BCL9: variants seen among roughly 807,000 people sequenced by gnomAD.
BCL9 encodes the protein BCL9 transcription coactivator.
Under a neutral mutation model 88.5 loss-of-function variants are expected in BCL9, and 25 were observed. That is an observed-to-expected ratio of 0.28 (90% CI 0.21 to 0.39). The LOEUF (loss-of-function observed/expected upper bound fraction) is 0.39, where lower values mean the gene tolerates loss of function less well. BCL9 is among the 10% of genes least tolerant of loss of function. The pLI is 1.00. For missense variants in BCL9, 1,817 were observed against 1,877.8 expected, an observed-to-expected ratio of 0.97 and a Z score of 0.60; for synonymous variants, 711 against 673.3, an observed-to-expected ratio of 1.06 and a Z score of -0.87.
At chr1:147,562,886 A>G (rs1553196277) in intron 1 of BCL9, among the ~76,000 whole-genome samples, 1 of 152,194 alleles carries the variant, frequency 6.6e-6, no homozygotes, top group African/African-American at 2.4e-5. Context: ...CAAACCCCTT[A>G]CCATGGCGTG....
Position 147,542,269 on chromosome 1 carries a change from A to T in BCL9, c.-478+595A>T, listed in dbSNP as rs587748347. Among the ~76,000 whole-genome samples, 8 of 152,322 alleles carry T rather than the reference A, an allele frequency of 5.3e-5. No individual in the cohort carries two copies. The East Asian group carries it at 1.5e-3, about 29-fold the overall frequency. Reference sequence around the variant, plus strand: ...ACTCTCCGAGGAGGAGCGGCATGGCAGGCAAGAAGGGAGAGCAAGAGAACT... The same window carrying T: ...ACTCTCCGAGGAGGAGCGGCATGGCTGGCAAGAAGGGAGAGCAAGAGAACT... On this transcript the variant is annotated intron_variant, in intron 1 of 9. Coordinates refer to ENST00000234739, the MANE Select transcript of BCL9 (RefSeq NM_004326.4).
chr1:147,589,640 A>G (rs587726035), intron 1 of BCL9, among the ~76,000 whole-genome samples: 1 of 152,328 alleles, frequency 6.6e-6, no homozygotes, highest in South Asian at 2.1e-4. Context: ...GTTTTGAGGT[A>G]CATCCATGTT....
chr1:147,580,201 G>A (rs1656306011), intron 1 of BCL9, among the ~76,000 whole-genome samples: 1 of 152,198 alleles, frequency 6.6e-6, no homozygotes, highest in Admixed American at 6.5e-5. Flanking sequence ...GATTGTGAAA[G>A]CCTCTCAAAA....
At chr1:147,577,099 C>T (rs1391877482) in intron 1 of BCL9, among the ~76,000 whole-genome samples, 3 of 151,796 alleles carry the variant, frequency 2.0e-5, no homozygotes. Context: ...AGTGATCGAA[C>T]CAAGAAATTA....
chr1:147,560,232 G>A (rs1474681169), intron 1 of BCL9, among the ~76,000 whole-genome samples: 2 of 152,154 alleles, frequency 1.3e-5, no homozygotes, highest in African/African-American at 2.4e-5. Context: ...CTCTCACACT[G>A]AGGGACTGAT....
chr1:147,563,056 C>G (rs1430999277), intron 1 of BCL9, among the ~76,000 whole-genome samples: 1 of 152,022 alleles, frequency 6.6e-6, no homozygotes, highest in African/African-American at 2.4e-5. Context: ...TAACCTCTGC[C>G]CAGAACACTG....
chr1:147,601,835 G>T (rs1553201330), intron 1 of BCL9, among the ~76,000 whole-genome samples: 2 of 152,126 alleles, frequency 1.3e-5, no homozygotes, highest in Non-Finnish European at 2.9e-5. Context: ...AGCAATGAAG[G>T]TTCCATTAGT....
At chr1:147,600,980 G>C (rs959649967) in intron 1 of BCL9, among the ~76,000 whole-genome samples, 13 of 152,132 alleles carry the variant, frequency 8.5e-5, no homozygotes, top group African/African-American at 3.1e-4. Flanking sequence ...TGTTGGGTGA[G>C]CCTGGTGAAA....
At chr1:147,599,230 C>T (rs373561895) in intron 1 of BCL9, among the ~76,000 whole-genome samples, 1 of 152,192 alleles carries the variant, frequency 6.6e-6, no homozygotes, top group Non-Finnish European at 1.5e-5. Flanking sequence ...AGAGCGCAGT[C>T]CTGGGTGGGG....
At chr1:147,562,803 T>A (rs1221390920) in intron 1 of BCL9, among the ~76,000 whole-genome samples, 2 of 152,176 alleles carry the variant, frequency 1.3e-5, no homozygotes, top group Non-Finnish European at 2.9e-5. Flanking sequence ...GTAATCTTTT[T>A]AAAAGGCAAA....
chr1:147,548,810 TA>T (rs1316245308), intron 1 of BCL9, among the ~76,000 whole-genome samples: 2 of 151,992 alleles, frequency 1.3e-5, no homozygotes, highest in Non-Finnish European at 2.9e-5. Context: ...AAAAAAAGTA[TA>T]AATACAAAAA....
rs375997146 is a variant in BCL9, at chr1:147,620,407, G to C, written c.2252G>C (p.Arg751Pro). ...GAGPEEMLKL[R>P]PGGSDMLPAQ... ...GGCCCTGAGGAGATGCTGAAATTAC[G>C]CCCAGGTGGCTCAGACATGCTGCCT... Residue 751 changes from arginine (R) to proline (P), a missense_variant, in exon 8 of 10, where the codon CGC (arginine) becomes CCC (proline). By Grantham distance (103) the Arg-to-Pro change is moderately radical. Around this residue, in one of 2 missense-constraint regions of BCL9, gnomAD observed 1,228 missense variants for 1,191.6 expected, o/e 1.03. Transcript: ENST00000234739. 9.3e-6 allele frequency: 15 copies of C among 1,614,032 alleles called. No individual in the cohort carries two copies. In the East Asian group the frequency reaches 3.3e-4, roughly 36 times the overall value.
chr1:147,621,064 A>G lies in BCL9; in HGVS notation c.2902+7A>G, dbSNP rs1553205333. 2 of 1,607,928 alleles carry G rather than the reference A, an allele frequency of 1.2e-6. No individual in the cohort carries two copies. Among genetic ancestry groups the G allele is most frequent in the Non-Finnish European group, 1.7e-6 (2 of 1,177,290 alleles). ...CTGGGAAATGTAGAGTCAGGTCAGT[A>G]TGCTTGCATCCTCACAGTTGCACCT... On this transcript the variant is annotated splice_region_variant and intron_variant, in intron 8 of 9. Coordinates refer to ENST00000234739, the MANE Select transcript of BCL9 (RefSeq NM_004326.4).
At chr1:147,612,767 G>C in intron 4 of BCL9, 116 bp from the exon 5 acceptor site, 1 of 973,226 alleles carries the variant, frequency 1.0e-6, no homozygotes, top group Non-Finnish European at 1.5e-6. Flanking sequence ...GAATCATGGG[G>C]TGGTTATTTT....
chr1:147,585,763 T>G (rs1226627941), intron 1 of BCL9, among the ~76,000 whole-genome samples: 5 of 152,164 alleles, frequency 3.3e-5, no homozygotes, highest in Non-Finnish European at 7.3e-5. Flanking sequence ...GCTGAGTGCT[T>G]TAAGCGTTTT....
At chr1:147,580,843 G>C (rs1394160942) in intron 1 of BCL9, among the ~76,000 whole-genome samples, 1 of 151,994 alleles carries the variant, frequency 6.6e-6, no homozygotes, top group Non-Finnish European at 1.5e-5. Flanking sequence ...CTATGTGCTG[G>C]GTATTTTTCT....
intron 7 of BCL9, 43 bp downstream of exon 7, chr1:147,615,945 A>G (rs782583646): frequency 1.8e-5 from 28 of 1,549,426 alleles, no homozygotes; most frequent in Non-Finnish European, 2.4e-5. Context: ...ATGATTCTAC[A>G]GTGACTGCAA....
At chr1:147,547,750 G>GA (rs1302694901) in intron 1 of BCL9, among the ~76,000 whole-genome samples, 2 of 152,032 alleles carry the variant, frequency 1.3e-5, no homozygotes, top group African/African-American at 4.8e-5. Flanking sequence ...TTAAAGACGG[G>GA]AAAAAAGAAA....
intron 1 of BCL9, among the ~76,000 whole-genome samples, chr1:147,575,502 A>G (rs1335372769): frequency 4.6e-5 from 7 of 152,322 alleles, no homozygotes; most frequent in African/African-American, 1.7e-4. Context: ...GACAGGTTGG[A>G]TGATTTGAAC....
Sources: allele counts gnomAD v4.1 joint callset (sites outside exome capture counted in the v4.1 genomes callset), GRCh38; gene constraint gnomAD v4.1.1; regional missense constraint gnomAD v4.1.1; transcripts MANE v1.5; gene names NCBI Gene and HGNC (gene_info 2026-07-23, HGNC 2026-07-21).